The following DGKB variants were observed in gnomAD, a reference collection of about 807,000 sequenced individuals.
The protein encoded by DGKB is 90 kDa diacylglycerol kinase.
A neutral mutation model predicts 114.3 loss-of-function variants in DGKB; 67 were observed. That is an observed-to-expected ratio of 0.59 (90% CI 0.48 to 0.72). The LOEUF is 0.72. Among genes scored for constraint, DGKB ranks in the 30% least tolerant of loss-of-function variants. The probability of loss-of-function intolerance (pLI) is 0.00; values close to 1 mark genes in which losing one functional copy is unlikely to be tolerated. For synonymous variants in DGKB, 398 were observed against 323.1 expected, an observed-to-expected ratio of 1.23 and a Z score of -2.49; for missense variants, 907 against 975.2, an observed-to-expected ratio of 0.93 and a Z score of 0.93.
chr7:14,622,440 A>G (rs1438330176), intron 14 of DGKB, among the ~76,000 whole-genome samples: 1 of 152,134 alleles, frequency 6.6e-6, no homozygotes, highest in African/African-American at 2.4e-5. Context: ...GAAGATTTCT[A>G]AATGTATAAT....
At chr7:14,598,453 G>T (rs1342580587) in intron 17 of DGKB, among the ~76,000 whole-genome samples, 2 of 152,318 alleles carry the variant, frequency 1.3e-5, no homozygotes, top group African/African-American at 4.8e-5. Flanking sequence ...TTGGGGCAGA[G>T]AATTAACTAT....
intron 20 of DGKB, among the ~76,000 whole-genome samples, chr7:14,572,861 C>T (rs1260465242): frequency 6.6e-6 from 1 of 152,000 alleles, no homozygotes; most frequent in East Asian, 1.9e-4. Flanking sequence ...TTTTGGGGTA[C>T]AGTGGTATTT....
chr7:14,653,075 A>G (rs1014736607), intron 13 of DGKB, among the ~76,000 whole-genome samples: 3 of 151,212 alleles, frequency 2.0e-5, no homozygotes, highest in South Asian at 2.1e-4. Flanking sequence ...AACTAGTTCA[A>G]CCATTGTGGA....
Position 14,773,546 on chromosome 7 carries a change from T to A in DGKB, c.71-15815A>T, listed in dbSNP as rs372171502. Among the ~76,000 whole-genome samples, 33 of 152,080 alleles carry A rather than the reference T, an allele frequency of 2.2e-4. No homozygotes were observed. The East Asian group carries it at 4.7e-3, about 21-fold the overall frequency. ...AGAGTGAGAAAAGCAAAAAATAGCA[T>A]TGTAAGTTAACCAAGCAGATGGGAC... On this transcript the variant is annotated intron_variant, in intron 2 of 25. Coordinates refer to ENST00000402815, the MANE Select transcript of DGKB (RefSeq NM_001350709.2).
intron 21 of DGKB, among the ~76,000 whole-genome samples, chr7:14,389,725 C>T (rs10950521): frequency 0.6 from 90,544 of 152,002 alleles, 28,867 homozygotes; most frequent in Middle Eastern, 0.74. Flanking sequence ...AGCTTTTCTC[C>T]GCCATTAAGG....
At chr7:14,887,141 C>T (rs1478279827) in intron 1 of DGKB, among the ~76,000 whole-genome samples, 1 of 151,742 alleles carries the variant, frequency 6.6e-6, no homozygotes, top group African/African-American at 2.4e-5. Flanking sequence ...TGTTTTCTCT[C>T]CACTTTAACA....
intron 13 of DGKB, among the ~76,000 whole-genome samples, chr7:14,667,685 T>C (rs2128937374): frequency 6.6e-6 from 1 of 152,236 alleles, no homozygotes. Flanking sequence ...TTACTGAAAG[T>C]TCGCAGACTG....
At chr7:14,264,944 C>A (rs1584810279) in intron 23 of DGKB, among the ~76,000 whole-genome samples, 1 of 152,024 alleles carries the variant, frequency 6.6e-6, no homozygotes, top group Non-Finnish European at 1.5e-5. Flanking sequence ...AAGACTTTAC[C>A]AGAAGTAGGG....
At chr7:14,943,056 C>T (rs1317470545) in intron 1 of DGKB, among the ~76,000 whole-genome samples, 7 of 151,696 alleles carry the variant, frequency 4.6e-5, no homozygotes, top group Admixed American at 1.3e-4. Flanking sequence ...ATTAAATATT[C>T]GTTGTATGAC....
At chr7:14,170,134 CAAA>C (rs762339951) in intron 25 of DGKB, among the ~76,000 whole-genome samples, 45 of 33,060 alleles carry the variant, frequency 1.4e-3, no homozygotes, top group Admixed American at 4.0e-3. Context: ...AACTCCATCT[CAAA>C]AAAAAAAAAA....
At chr7:14,529,817 C>T (rs112945463) in intron 20 of DGKB, among the ~76,000 whole-genome samples, 367 of 151,786 alleles carry the variant, frequency 2.4e-3, no homozygotes, top group African/African-American at 8.3e-3. Flanking sequence ...TGTCAATTTA[C>T]ATTGTTTGCC....
intron 21 of DGKB, among the ~76,000 whole-genome samples, chr7:14,408,355 T>C (rs1824297506): frequency 6.6e-6 from 1 of 152,108 alleles, no homozygotes; most frequent in Non-Finnish European, 1.5e-5. Flanking sequence ...AATAAGGACA[T>C]TTCTGAAATC....
intron 1 of DGKB, among the ~76,000 whole-genome samples, chr7:14,891,883 T>A (rs1360811494): frequency 6.6e-6 from 1 of 151,226 alleles, no homozygotes; most frequent in Non-Finnish European, 1.5e-5. Context: ...CAGACTGAGA[T>A]GAGAGATCAT....
At chr7:14,654,459 A>C (rs1242144171) in intron 13 of DGKB, among the ~76,000 whole-genome samples, 1 of 152,050 alleles carries the variant, frequency 6.6e-6, no homozygotes, top group Admixed American at 6.6e-5. Flanking sequence ...ATGACCATAC[A>C]ACCCAAAGCA....
At chr7:14,232,036 G>A (rs1791945471) in intron 23 of DGKB, among the ~76,000 whole-genome samples, 1 of 151,960 alleles carries the variant, frequency 6.6e-6, no homozygotes, top group Non-Finnish European at 1.5e-5. Context: ...ACCCAAAGAT[G>A]GTTGGCCCAT....
intron 1 of DGKB, among the ~76,000 whole-genome samples, chr7:14,854,133 G>A (rs1390167971): frequency 1.3e-5 from 2 of 152,134 alleles, no homozygotes; most frequent in Middle Eastern, 3.4e-3. Context: ...ATTACCCATA[G>A]GATTATATGC....
intron 20 of DGKB, among the ~76,000 whole-genome samples, chr7:14,536,786 C>T (rs1471954250): frequency 6.6e-6 from 1 of 151,832 alleles, no homozygotes; most frequent in Non-Finnish European, 1.5e-5. Context: ...TGCTCATTCT[C>T]ACCACTTCTA....
intron 13 of DGKB, among the ~76,000 whole-genome samples, chr7:14,640,471 T>C (rs1033039355): frequency 1.3e-5 from 2 of 152,146 alleles, no homozygotes; most frequent in Non-Finnish European, 2.9e-5. Flanking sequence ...AGGGTTTGGG[T>C]TTCCTTGGGC....
chr7:14,669,007 G>T (rs1371924404), intron 13 of DGKB, among the ~76,000 whole-genome samples: 1 of 152,128 alleles, frequency 6.6e-6, no homozygotes, highest in African/African-American at 2.4e-5. Context: ...TTATTAACTA[G>T]AGGTAGCTGC....
Sources: allele counts gnomAD v4.1 joint callset (sites outside exome capture counted in the v4.1 genomes callset), GRCh38; gene constraint gnomAD v4.1.1; transcripts MANE v1.5; gene names NCBI Gene and HGNC (gene_info 2026-07-23, HGNC 2026-07-21).